Variants in ATP6V0A4 observed in about 807,000 individuals in gnomAD.
ATP6V0A4 encodes the protein V-type proton ATPase 116 kDa subunit a 4.
ATP6V0A4 carries 86 observed loss-of-function variants against 107.3 expected under a neutral mutation model. That is an observed-to-expected ratio of 0.80 (90% CI 0.67 to 0.96). The LOEUF (loss-of-function observed/expected upper bound fraction) is 0.96, where lower values mean the gene tolerates loss of function less well. Among genes scored for constraint, ATP6V0A4 ranks in the 40% least tolerant of loss-of-function variants. The pLI is 0.00. For missense variants in ATP6V0A4, 908 were observed against 1,045.6 expected, an observed-to-expected ratio of 0.87 and a Z score of 1.81; for synonymous variants, 353 against 381.4, an observed-to-expected ratio of 0.93 and a Z score of 0.87.
chr7:138,766,825 T>C (rs1376424451), intron 5 of ATP6V0A4, among the ~76,000 whole-genome samples: 1 of 152,218 alleles, frequency 6.6e-6, no homozygotes, highest in Admixed American at 6.5e-5. Flanking sequence ...ACATGTTACC[T>C]GTTTAACAAA....
intron 10 of ATP6V0A4, among the ~76,000 whole-genome samples, chr7:138,753,934 C>T (rs1276605299): frequency 6.6e-6 from 1 of 152,160 alleles, no homozygotes; most frequent in Non-Finnish European, 1.5e-5. Flanking sequence ...AAGGAGAAAG[C>T]TGCCCCTGCA....
At chr7:138,720,141 G>C (rs878914198) in intron 19 of ATP6V0A4, among the ~76,000 whole-genome samples, 2 of 152,298 alleles carry the variant, frequency 1.3e-5, no homozygotes, top group Admixed American at 1.3e-4. Context: ...CCTGAAGTGA[G>C]GGTGGCCCTG....
chr7:138,722,147 A>G, intron 18 of ATP6V0A4, 122 bp from the exon 19 acceptor site: 4 of 1,483,840 alleles, frequency 2.7e-6, no homozygotes, highest in Non-Finnish European at 2.7e-6. Flanking sequence ...TCTAAACACT[A>G]CACTATCTCA....
intron 14 of ATP6V0A4, among the ~76,000 whole-genome samples, chr7:138,740,353 A>T (rs1225178522): frequency 6.6e-6 from 1 of 151,788 alleles, no homozygotes; most frequent in Non-Finnish European, 1.5e-5. Flanking sequence ...AAAAACATGT[A>T]GCCCATTGTA....
chr7:138,789,200 A>G (rs994183457), intron 1 of ATP6V0A4, among the ~76,000 whole-genome samples: 1 of 135,700 alleles, frequency 7.4e-6, no homozygotes, highest in African/African-American at 2.8e-5. Context: ...TGTGAAACTT[A>G]AAGGTTAAGG....
chr7:138,745,273 T>C lies in ATP6V0A4; in HGVS notation c.1328A>G (p.Asn443Ser). 5 of 1,613,974 alleles carry C rather than the reference T, an allele frequency of 3.1e-6. No homozygotes were observed. The highest frequency in any genetic ancestry group is 4.2e-6 in the Non-Finnish European group (5 of 1,179,964). Reference sequence around the variant, plus strand: ...CAGATAGCGCCCGTGGAAGAAGGTGTTCCAAATCTGGCCTCAGAGAGACAG... The same window carrying C: ...CAGATAGCGCCCGTGGAAGAAGGTGCTCCAAATCTGGCCTCAGAGAGACAG... ...LSQKTDNEIWNTFFHGRYLIL... is the reference protein window; with the variant it reads ...LSQKTDNEIWSTFFHGRYLIL... The change falls in exon 14 of 22, where the codon AAC becomes AGC. Residue 443 changes from asparagine (N) to serine (S), a missense_variant. By Grantham distance (46) the Asn-to-Ser change is conservative. Coordinates refer to ENST00000310018, the MANE Select transcript of ATP6V0A4 (RefSeq NM_020632.3).
chr7:138,756,418 G>A, intron 9 of ATP6V0A4, 40 bp downstream of exon 9: 1 of 1,613,086 alleles, frequency 6.2e-7, no homozygotes, highest in Non-Finnish European at 8.5e-7. Context: ...TCTAATCCTG[G>A]CCCAAATCAC....
chr7:138,777,173 T>C (rs1011511730), intron 2 of ATP6V0A4, among the ~76,000 whole-genome samples: 1 of 150,280 alleles, frequency 6.7e-6, no homozygotes, highest in African/African-American at 2.4e-5. Flanking sequence ...AAAAAAAGTA[T>C]GTGTATGGTA....
chr7:138,795,536 C>A (rs1808617561), intron 1 of ATP6V0A4, among the ~76,000 whole-genome samples: 1 of 152,208 alleles, frequency 6.6e-6, no homozygotes, highest in African/African-American at 2.4e-5. Flanking sequence ...TTAAAATGCA[C>A]CCAGCGTCCC....
rs1021927890 is a variant in ATP6V0A4 at position 138,733,077 on chromosome 7, G to A, written c.1708C>T (p.Leu570Phe). The A allele has an allele frequency of 1.9e-6, 3 of 1,613,872 alleles. No individual in the cohort carries two copies. In the Admixed American group the frequency reaches 5.0e-5, roughly 27 times the overall value. ...GGGATAAATTGCAGAATGATGTTGA[G>A]AGTTCTTCTGAAGTATCTGGGGGTG... is the stretch of plus-strand genomic sequence containing the variant. ...LFNHIYFRRT[L>F]NIILQFIPEM... Residue 570 changes from leucine (L) to phenylalanine (F), a missense_variant, in exon 17 of 22, where the codon CTC becomes TTC. Transcript: ENST00000310018.
At chr7:138,766,320 A>C (rs1807090461) in intron 5 of ATP6V0A4, among the ~76,000 whole-genome samples, 1 of 151,096 alleles carries the variant, frequency 6.6e-6, no homozygotes, top group Admixed American at 6.6e-5. Context: ...CTCCTGCCTC[A>C]GCTTCTAGAG....
intron 12 of ATP6V0A4, among the ~76,000 whole-genome samples, chr7:138,748,875 TC>T (rs1806086270): frequency 6.6e-6 from 1 of 152,132 alleles, no homozygotes; most frequent in Non-Finnish European, 1.5e-5. Flanking sequence ...AACACTGACT[TC>T]GGCTGCCTGA....
intron 19 of ATP6V0A4, 98 bp downstream of exon 19, chr7:138,721,799 C>T (rs766134892): frequency 2.1e-5 from 30 of 1,397,814 alleles, no homozygotes; most frequent in South Asian, 9.5e-5. Flanking sequence ...GCTACTGCCC[C>T]GTGGGGCCCT....
intron 17 of ATP6V0A4, among the ~76,000 whole-genome samples, chr7:138,729,691 G>A (rs955419311): frequency 3.3e-5 from 5 of 152,296 alleles, no homozygotes; most frequent in East Asian, 1.9e-4. Context: ...CGGAAGGCTC[G>A]GTCAGGGCTG....
chr7:138,752,724 G>T lies in ATP6V0A4; in HGVS notation c.930C>A (p.Asn310Lys). The T allele has an allele frequency of 6.2e-7, 1 of 1,614,180 alleles. No individual in the cohort carries two copies. The highest frequency in any genetic ancestry group is 1.7e-5 in the Admixed American group (1 of 60,032). Residue 310 changes from asparagine (N) to lysine (K), a missense_variant, in exon 11 of 22, where the codon AAC (asparagine) becomes AAA (lysine). Transcript: ENST00000310018. ...QKMKAVYHIL[N>K]MCNIDVTQQC... ...GCTGGGTGACGTCGATGTTGCACAT[G>T]TTCAGGATGTGGTAGACAGCTTTCA...
chr7:138,750,791 G>A (rs1057312808), intron 11 of ATP6V0A4, among the ~76,000 whole-genome samples: 4 of 152,162 alleles, frequency 2.6e-5, no homozygotes, highest in East Asian at 1.9e-4. Context: ...CCATTTAGGT[G>A]GTTTTTGGAC....
chr7:138,729,180 T>C (rs909534043), intron 17 of ATP6V0A4, among the ~76,000 whole-genome samples: 1 of 152,158 alleles, frequency 6.6e-6, no homozygotes, highest in Non-Finnish European at 1.5e-5. Context: ...AAGGCACCCC[T>C]TGTCTTGAAC....
Position 138,756,473 on chromosome 7 carries a change from T to G in ATP6V0A4, c.707A>C (p.Lys236Thr). 6.2e-7 allele frequency: 1 copy of G among 1,613,796 alleles called. No individual in the cohort carries two copies. ...YQGEQLRQKI[K>T]KICDGFRATV... Reference sequence around the variant, plus strand: ...TCCCTCTTACCCATCACAGATCTTCTTGATTTTCTGCCTGAGCTGCTCTCC... The same window carrying G: ...TCCCTCTTACCCATCACAGATCTTCGTGATTTTCTGCCTGAGCTGCTCTCC... Residue 236 changes from lysine (K) to threonine (T), a missense_variant, in exon 9 of 22, where the codon AAG (lysine) becomes ACG (threonine). Transcript: ENST00000310018.
intron 10 of ATP6V0A4, among the ~76,000 whole-genome samples, chr7:138,753,984 G>A (rs1806375932): frequency 6.6e-6 from 1 of 152,160 alleles, no homozygotes; most frequent in Non-Finnish European, 1.5e-5. Flanking sequence ...CCTCGACACA[G>A]CAGCAACCCG....
Sources: gnomAD v4.1 joint callset for allele counts (sites outside exome capture counted in the v4.1 genomes callset) on GRCh38, gnomAD v4.1.1 for gene constraint, MANE v1.5 for transcripts, NCBI Gene and HGNC (gene_info 2026-07-23, HGNC 2026-07-21) for gene names.